Variants in KCTD14 observed in about 807,000 individuals in gnomAD.
The protein encoded by KCTD14 is potassium channel tetramerization domain containing 14.
Under a neutral mutation model 5.9 loss-of-function variants are expected in KCTD14, and 7 were observed. That is an observed-to-expected ratio of 1.19 (90% CI 0.68 to 2.23). KCTD14 has a LOEUF of 2.23. KCTD14 is among the 30% of genes most tolerant of loss of function. KCTD14 has a pLI of 0.00. For missense variants in KCTD14, 342 were observed against 332.2 expected (o/e 1.03, Z -0.23); for synonymous variants, 140 against 133.1 (o/e 1.05, Z -0.36).
chr11:78,020,371 G>A (rs552740924), intron 1 of KCTD14, among the ~76,000 whole-genome samples: 18 of 152,322 alleles, frequency 1.2e-4, no homozygotes, highest in South Asian at 2.1e-4. Flanking sequence ...AAAGTCAACC[G>A]AACTGCTGGA....
intron 2 of KCTD14, among the ~76,000 whole-genome samples, chr11:78,034,326 T>C (rs12802974): frequency 0.16 from 24,496 of 152,162 alleles, 2,370 homozygotes; most frequent in Admixed American, 0.26. Flanking sequence ...ACTTCCTGTG[T>C]TGCCCAGGCT....
upstream of KCTD14, among the ~76,000 whole-genome samples, chr11:78,025,242 C>T (rs1254011275): frequency 6.6e-6 from 1 of 150,444 alleles, no homozygotes; most frequent in African/African-American, 2.4e-5. Flanking sequence ...GAGAGCCAGT[C>T]CGAGTTCCAA....
At chr11:78,029,757 A>G (rs1402344871) in intron 2 of KCTD14, among the ~76,000 whole-genome samples, 3 of 151,846 alleles carry the variant, frequency 2.0e-5, no homozygotes, top group Non-Finnish European at 4.4e-5. Context: ...TCAGTTCCAC[A>G]AGGAATCTCA....
At chr11:78,038,272 GC>G (rs375737389) in intron 2 of KCTD14, among the ~76,000 whole-genome samples, 3 of 152,262 alleles carry the variant, frequency 2.0e-5, no homozygotes, top group African/African-American at 7.2e-5. Context: ...ATCTTTTGAA[GC>G]CCCATAGGCC....
At chr11:78,030,141 G>A (rs915380156) in intron 2 of KCTD14, among the ~76,000 whole-genome samples, 1 of 152,040 alleles carries the variant, frequency 6.6e-6, no homozygotes, top group Non-Finnish European at 1.5e-5. Flanking sequence ...TCCTGGACAG[G>A]AATATAAAAC....
chr11:78,020,619 C>A (rs1333436876), intron 1 of KCTD14, among the ~76,000 whole-genome samples: 3 of 152,224 alleles, frequency 2.0e-5, no homozygotes, highest in Admixed American at 2.0e-4. Context: ...CAGAGTTTAA[C>A]CCTTGAATGG....
At chr11:78,028,706 C>G (rs376365081) in intron 2 of KCTD14, among the ~76,000 whole-genome samples, 1 of 151,832 alleles carries the variant, frequency 6.6e-6, no homozygotes, top group African/African-American at 2.4e-5. Context: ...TTTGAAAGAC[C>G]GAGATCAGCA....
chr11:78,038,892 A>C (rs904582136), intron 1 of KCTD14: 17 of 1,057,348 alleles, frequency 1.6e-5, no homozygotes, highest in East Asian at 2.6e-5. Flanking sequence ...TGCTGTGGTC[A>C]CGGTCAGGCC....
intron 2 of KCTD14, among the ~76,000 whole-genome samples, chr11:78,032,629 A>ACACAAGGC (rs55965125): frequency 0.42 from 63,029 of 151,314 alleles, 13,359 homozygotes; most frequent in African/African-American, 0.52. Flanking sequence ...CCAGGCCAGG[A>ACACAAGGC]CAGTACTGCC....
intron 2 of KCTD14, among the ~76,000 whole-genome samples, chr11:78,037,245 G>T (rs140205160): frequency 6.6e-6 from 1 of 152,210 alleles, no homozygotes; most frequent in Non-Finnish European, 1.5e-5. Flanking sequence ...CTCAGACCTC[G>T]TGGGCACACG....
intron 2 of KCTD14, among the ~76,000 whole-genome samples, chr11:78,030,964 A>G (rs1449431158): frequency 2.6e-5 from 4 of 152,094 alleles, no homozygotes; most frequent in African/African-American, 7.2e-5. Context: ...CCAGGACTAC[A>G]TCAGATTGAT....
chr11:78,033,914 T>G (rs1013973411), intron 2 of KCTD14, among the ~76,000 whole-genome samples: 1 of 145,182 alleles, frequency 6.9e-6, no homozygotes, highest in Non-Finnish European at 1.5e-5. Context: ...TATATATATA[T>G]ACACACATTA....
intron 1 of KCTD14, among the ~76,000 whole-genome samples, chr11:78,019,265 C>T (rs1306342062): frequency 1.3e-5 from 2 of 152,042 alleles, no homozygotes; most frequent in African/African-American, 4.8e-5. Flanking sequence ...CTGCCCACCT[C>T]GGCCTCCCAA....
At chr11:78,020,480 C>G (rs1857279400) in intron 1 of KCTD14, among the ~76,000 whole-genome samples, 1 of 152,240 alleles carries the variant, frequency 6.6e-6, no homozygotes, top group Non-Finnish European at 1.5e-5. Context: ...AGCAGCCAAA[C>G]AATAGAGCTG....
chr11:78,028,072 A>G (rs1857512681), upstream of KCTD14, among the ~76,000 whole-genome samples: 1 of 152,144 alleles, frequency 6.6e-6, no homozygotes, highest in East Asian at 1.9e-4. Context: ...GGAGGGGTCC[A>G]TTCAGATGGT....
rs539420990 is a variant in KCTD14 at position 78,038,221 on chromosome 11, T to C, written c.-1+443A>G. On this transcript the variant is annotated intron_variant, in intron 2 of 2. Transcript: ENST00000533144. ...GTCCCAAGTCTTGGGACCTCGGGTG[T>C]CCTGTTCCTGGTGGACAGCTCCTCC... Among the ~76,000 whole-genome samples, 10 of 152,298 alleles carry C rather than the reference T, an allele frequency of 6.6e-5. No individual in the cohort carries two copies. The South Asian group carries it at 2.1e-3, about 32-fold the overall frequency.
At chr11:78,043,949 A>T (rs986379735) in intron 1 of KCTD14, among the ~76,000 whole-genome samples, 1 of 152,220 alleles carries the variant, frequency 6.6e-6, no homozygotes, top group Non-Finnish European at 1.5e-5. Flanking sequence ...CCCCAAAGGC[A>T]GAAACAAGGC....
intron 1 of KCTD14, among the ~76,000 whole-genome samples, chr11:78,021,840 A>C (rs1857318804): frequency 6.6e-6 from 1 of 152,160 alleles, no homozygotes. Context: ...GGCCCTTTGC[A>C]ACTAGGCTGC....
At chr11:78,042,859 G>A (rs11602478) in intron 1 of KCTD14, among the ~76,000 whole-genome samples, 10,334 of 152,252 alleles carry the variant, frequency 0.068, 514 homozygotes, top group East Asian at 0.2. Context: ...TTTACATAGG[G>A]CACAAAAGAT....
Sources: gnomAD v4.1 joint callset for allele counts (sites outside exome capture counted in the v4.1 genomes callset) on GRCh38, gnomAD v4.1.1 for gene constraint, MANE v1.5 for transcripts, NCBI Gene and HGNC (gene_info 2026-07-23, HGNC 2026-07-21) for gene names.